NPHP3: variants seen among roughly 807,000 people sequenced by gnomAD.
The protein encoded by NPHP3 is nephrocystin-3.
In NPHP3, 123 loss-of-function variants were observed where a neutral mutation model predicts 171.9. The ratio of observed to expected loss-of-function variants is 0.72; its 90% CI spans 0.62 to 0.83. The LOEUF is 0.83. Ranked by LOEUF, NPHP3 falls within the 40% of genes least tolerant of loss-of-function variation. The pLI is 0.00. For synonymous variants in NPHP3, 558 were observed against 579.2 expected (o/e 0.96, Z 0.52); for missense variants, 1,506 against 1,591.9 (o/e 0.95, Z 0.92).
intron 12 of NPHP3, 54 bp downstream of exon 12, chr3:132,699,864 T>G: frequency 6.3e-7 from 1 of 1,577,276 alleles, no homozygotes; most frequent in Non-Finnish European, 8.7e-7. Context: ...TAGCTATTAC[T>G]GAATTTACAT....
chr3:132,699,830 TC>T, intron 12 of NPHP3, 87 bp downstream of exon 12: 3 of 1,404,516 alleles, frequency 2.1e-6, no homozygotes, highest in Non-Finnish European at 3.0e-6. Context: ...TATTTTCTTC[TC>T]ACAAACATAT....
intron 16 of NPHP3, 97 bp from the exon 17 acceptor site, chr3:132,692,915 T>G (rs919664923): frequency 3.2e-6 from 3 of 928,172 alleles, no homozygotes; most frequent in Non-Finnish European, 5.1e-6. Flanking sequence ...CTATTTCTTT[T>G]TACCAAAACT....
chr3:132,695,025 G>A (rs946338489), intron 15 of NPHP3, 60 bp from the exon 16 acceptor site: 19 of 1,556,560 alleles, frequency 1.2e-5, no homozygotes, highest in Middle Eastern at 3.3e-4. Flanking sequence ...TGAAAATTTT[G>A]AGATCGATTA....
intron 2 of NPHP3, among the ~76,000 whole-genome samples, 195 bp downstream of exon 2, chr3:132,719,510 G>A (rs541333216): frequency 3.3e-5 from 5 of 152,058 alleles, no homozygotes; most frequent in East Asian, 1.9e-4. Context: ...ACTTTCATAC[G>A]TTTTTCTTTG....
At chr3:132,685,291 T>C (rs1939127754) in intron 23 of NPHP3, 1 of 157,220 alleles carries the variant, frequency 6.4e-6, no homozygotes, top group South Asian at 1.9e-4. Flanking sequence ...TTTATTAATT[T>C]TTTTTGTAGA....
chr3:132,713,105 T>C, intron 6 of NPHP3, 21 bp downstream of exon 6: 1 of 1,312,186 alleles, frequency 7.6e-7, no homozygotes, highest in Non-Finnish European at 1.1e-6. Context: ...TTATAATAAA[T>C]TACATTTTTT....
Position 132,719,697 on chromosome 3 carries a change from G to T in NPHP3, c.519+8C>A. The T allele has an allele frequency of 6.5e-7, 1 of 1,543,422 alleles. No individual in the cohort carries two copies. The highest frequency in any genetic ancestry group is 1.3e-5 in the South Asian group (1 of 77,480). ...GTTGCTTTGGGGGTAAAAATGTAAG[G>T]AATTTACCTTGAATTGCCTTTTAAC... is the stretch of plus-strand genomic sequence containing the variant. On this transcript the variant is annotated splice_region_variant and intron_variant, in intron 2 of 26. Coordinates refer to ENST00000337331, the MANE Select transcript of NPHP3 (RefSeq NM_153240.5).
At chr3:132,717,165 A>G (rs1478154294) in intron 3 of NPHP3, 1 of 428,034 alleles carries the variant, frequency 2.3e-6, no homozygotes, top group Non-Finnish European at 4.2e-6. Context: ...ACAATAAAAA[A>G]GAAATCATAA....
At position 132,682,824 on chromosome 3, in the gene NPHP3, TA is replaced by T. The variant is rs564013823; in HGVS notation, c.3697-7del. ...AAAGCTTCAACGTGTTTTTTCTTATTAAAAAAAATGATAATGCTCATGCACA... is the reference window on the plus strand; with the variant it reads ...AAAGCTTCAACGTGTTTTTTCTTATTAAAAAAATGATAATGCTCATGCACA... On this transcript the variant is annotated splice_polypyrimidine_tract_variant and splice_region_variant and intron_variant, in intron 25 of 26. Transcript: ENST00000337331. 7.1e-4 allele frequency: 1,108 copies of T among 1,557,810 alleles called. 9 individuals carry two copies. The East Asian group carries it at 0.015, about 22-fold the overall frequency.
chr3:132,699,969 A>G lies in NPHP3; in HGVS notation c.1836T>C (p.Ala612=), dbSNP rs768862723. Residue 612 remains alanine (A), a synonymous_variant, in exon 12 of 27, where the codon GCT becomes GCC. Transcript: ENST00000337331. ...EFPRWLEKLS[A]RHQGSIIIVI... Reference sequence around the variant, plus strand: ...CGATGATGATGCTGCCTTGATGACGAGCAGAGAGTTTTTCCAGCCAACGTG... The same window carrying G: ...CGATGATGATGCTGCCTTGATGACGGGCAGAGAGTTTTTCCAGCCAACGTG... 1.9e-6 allele frequency: 3 copies of G among 1,614,166 alleles called. No individual in the cohort carries two copies. The highest frequency in any genetic ancestry group is 2.5e-6 in the Non-Finnish European group (3 of 1,180,020).
Position 132,688,832 on chromosome 3 carries a change from G to A in NPHP3, c.2943C>T (p.His981=). 6.2e-7 allele frequency: 1 copy of A among 1,614,110 alleles called. No individual in the cohort carries two copies. The highest frequency in any genetic ancestry group is 8.5e-7 in the Non-Finnish European group (1 of 1,180,006). The part of the protein sequence containing the change: ...EIRETALDPD[H]PRVAQSLHQL... ...GGTGGAGGGACTGGGCTACTCTTGG[G>A]TGATCGGGATCTAAAGCTGTTTCTC... The change falls in exon 21 of 27, where the codon CAC becomes CAT. Residue 981 remains histidine (H), a synonymous_variant. Transcript: ENST00000337331.
chr3:132,707,130 TA>T (rs1939775645), intron 7 of NPHP3, among the ~76,000 whole-genome samples: 1 of 152,334 alleles, frequency 6.6e-6, no homozygotes. Flanking sequence ...TGTACAGTAA[TA>T]AAAAGCCTGT....
At position 132,702,289 on chromosome 3, in the gene NPHP3, TG is replaced by T. The variant is rs528407721; in HGVS notation, c.1525-757del. ...CTGTCCTGGGAATCACCTCAGTTTC[TG>T]GGGGTGAGAAAAGGTCCAAATAACA... On this transcript the variant is annotated intron_variant, in intron 9 of 26. Coordinates refer to ENST00000337331, the MANE Select transcript of NPHP3 (RefSeq NM_153240.5). Among the ~76,000 whole-genome samples, 670 of 152,136 alleles carry T rather than the reference TG, an allele frequency of 4.4e-3. 5 individuals carry two copies. The highest frequency in any genetic ancestry group is 0.015 in the African/African-American group (626 of 41,490).
In NPHP3 at chr3:132,692,825, AG is replaced by A; in HGVS notation, c.2311-8del. 1 of 1,613,188 alleles carries A rather than the reference AG, an allele frequency of 6.2e-7. No homozygotes were observed. The highest frequency in any genetic ancestry group is 1.1e-5 in the South Asian group (1 of 91,034). ...CATTGACAAGGCAGAGGATCTAGGTAGAAAAACAAATTAACAGTAATCATAA... is the reference window on the plus strand; with the variant it reads ...CATTGACAAGGCAGAGGATCTAGGTAAAAAACAAATTAACAGTAATCATAA... On this transcript the variant is annotated splice_region_variant and splice_polypyrimidine_tract_variant and intron_variant, in intron 16 of 26. Transcript: ENST00000337331.
rs1227077585 is a variant in NPHP3 at position 132,681,068 on chromosome 3, A to C, written c.*842T>G. On this transcript the variant is annotated 3_prime_UTR_variant, in exon 27 of 27. Transcript: ENST00000337331. ...CAAGGAAAAGGTAAAGAATTTTTTAAAGTGCAGCAATCAGGGATTCTTGTG... is the reference window on the plus strand; with the variant it reads ...CAAGGAAAAGGTAAAGAATTTTTTACAGTGCAGCAATCAGGGATTCTTGTG... 6.6e-6 allele frequency: 1 copy of C among 152,206 alleles called. No individual in the cohort carries two copies. The highest frequency in any genetic ancestry group is 2.4e-5 in the African/African-American group (1 of 41,448). The allele number at this position is 152,206 out of a possible 1,614,324, so 9.4% of individuals were successfully genotyped here.
intron 19 of NPHP3, 136 bp downstream of exon 19, chr3:132,690,392 T>G: frequency 1.3e-6 from 1 of 798,836 alleles, no homozygotes; most frequent in East Asian, 2.7e-5. Flanking sequence ...GTAAATTGTC[T>G]CAAGATTTCT....
At chr3:132,706,131 G>A (rs980593586) in intron 7 of NPHP3, among the ~76,000 whole-genome samples, 3 of 151,994 alleles carry the variant, frequency 2.0e-5, no homozygotes, top group Admixed American at 6.6e-5. Flanking sequence ...AGGTCGAGGT[G>A]GGCGGTTCAC....
chr3:132,683,432 G>A lies in NPHP3; in HGVS notation c.3663C>T (p.Ala1221=), dbSNP rs112144165. Residue 1221 remains alanine, a synonymous_variant, in exon 25 of 27, where the codon GCC becomes GCT. Coordinates refer to ENST00000337331, the MANE Select transcript of NPHP3 (RefSeq NM_153240.5). ...FGPKHPSVAT[A]LVNLAVLYSQ... is the part of the protein sequence containing the mutation. ...TATAAAGAACAGCTAAGTTCACCAA[G>A]GCAGTAGCTACACTAGGGTGCTTTG... is the stretch of plus-strand genomic sequence containing the variant. 483 of 1,613,168 alleles carry A rather than the reference G, an allele frequency of 3.0e-4. 4 individuals are homozygous for A. In the African/African-American group the frequency reaches 4.7e-3, roughly 16 times the overall value.
intron 15 of NPHP3, among the ~76,000 whole-genome samples, 175 bp downstream of exon 15, chr3:132,696,556 T>C (rs1262761839): frequency 6.6e-6 from 1 of 152,148 alleles, no homozygotes; most frequent in Admixed American, 6.5e-5. Context: ...CTGACAATCA[T>C]GGACAGTAGG....
Sources: gnomAD v4.1 joint callset for allele counts (sites outside exome capture counted in the v4.1 genomes callset) on GRCh38, gnomAD v4.1.1 for gene constraint, MANE v1.5 for transcripts, NCBI Gene and HGNC (gene_info 2026-07-23, HGNC 2026-07-21) for gene names.